The following ATP2B2 variants were observed in gnomAD, a reference collection of about 807,000 sequenced individuals.
The protein encoded by ATP2B2 is ATPase plasma membrane Ca2+ transporting 2.
ATP2B2 carries 15 observed loss-of-function variants against 120.0 expected under a neutral mutation model. The ratio of observed to expected loss-of-function variants is 0.12; its 90% CI spans 0.08 to 0.19. ATP2B2 has a LOEUF of 0.19. ATP2B2 is among the 10% of genes least tolerant of loss of function. The probability of loss-of-function intolerance (pLI) is 1.00; values close to 1 mark genes in which losing one functional copy is unlikely to be tolerated. For synonymous variants in ATP2B2, 694 were observed against 700.3 expected, an observed-to-expected ratio of 0.99 and a Z score of 0.14; for missense variants, 1,045 against 1,719.8, an observed-to-expected ratio of 0.61 and a Z score of 6.94.
intron 2 of ATP2B2, among the ~76,000 whole-genome samples, chr3:10,608,388 C>A (rs1031428093): frequency 6.6e-6 from 1 of 152,210 alleles, no homozygotes; most frequent in Admixed American, 6.5e-5. Context: ...TGTGCCACTG[C>A]ACTCCAGCCT....
intron 1 of ATP2B2, among the ~76,000 whole-genome samples, chr3:10,632,417 C>T (rs1035319044): frequency 2.6e-5 from 4 of 152,106 alleles, no homozygotes; most frequent in Non-Finnish European, 4.4e-5. Flanking sequence ...CTCTATGGGG[C>T]CTTTACGTGT....
At position 10,325,427 on chromosome 3, in the gene ATP2B2, T is replaced by C. The variant is rs563453854; in HGVS notation, c.*3387A>G. The C allele has an allele frequency of 1.3e-5, 2 of 152,290 alleles. No homozygotes were observed. The highest frequency in any genetic ancestry group is 4.8e-5 in the African/African-American group (2 of 41,554). The allele number at this position is 152,290 out of a possible 1,614,324, so 9.4% of individuals were successfully genotyped here. A position where few individuals can be genotyped will look rare whatever the true frequency, so the allele number is the denominator to read the frequency against. ...AGAGAAGAGAAGTTCCAGAAATAGA[T>C]CTAAGTCTATGTAAGACATCAGTGT... On this transcript the variant is annotated 3_prime_UTR_variant, in exon 23 of 23. Transcript: ENST00000360273.
chr3:10,379,729 C>T (rs1239051271), intron 8 of ATP2B2, among the ~76,000 whole-genome samples: 2 of 151,940 alleles, frequency 1.3e-5, no homozygotes, highest in Non-Finnish European at 2.9e-5. Context: ...TTCATTTTCC[C>T]ACAAAAGAAA....
intron 1 of ATP2B2, among the ~76,000 whole-genome samples, chr3:10,657,639 C>T (rs1196662030): frequency 2.6e-5 from 4 of 152,242 alleles, no homozygotes; most frequent in African/African-American, 7.2e-5. Context: ...CTCAAGGAGG[C>T]CTGCCTGCCT....
At chr3:10,609,462 CT>C (rs773656275) in intron 2 of ATP2B2, among the ~76,000 whole-genome samples, 1 of 152,222 alleles carries the variant, frequency 6.6e-6, no homozygotes, top group Non-Finnish European at 1.5e-5. Context: ...AAGCCGGGAG[CT>C]TTCCAAGTGT....
chr3:10,357,690 G>A (rs2060777772), intron 14 of ATP2B2, among the ~76,000 whole-genome samples: 1 of 152,172 alleles, frequency 6.6e-6, no homozygotes, highest in Non-Finnish European at 1.5e-5. Context: ...CCTGGCCAGG[G>A]CATCCGGTCT....
chr3:10,535,180 A>T (rs1426376946), intron 2 of ATP2B2, among the ~76,000 whole-genome samples: 2 of 152,228 alleles, frequency 1.3e-5, no homozygotes, highest in Admixed American at 1.3e-4. Flanking sequence ...CTAGGATTAC[A>T]GGCATGAGCC....
chr3:10,611,093 A>G (rs973540766), intron 2 of ATP2B2, among the ~76,000 whole-genome samples: 2 of 152,180 alleles, frequency 1.3e-5, no homozygotes, highest in African/African-American at 4.8e-5. Context: ...ACATTTCCAA[A>G]TCAAACAGCT....
chr3:10,375,583 G>A lies in ATP2B2; in HGVS notation c.1263C>T (p.Phe421=). 6.2e-7 allele frequency: 1 copy of A among 1,613,774 alleles called. No individual in the cohort carries two copies. The highest frequency in any genetic ancestry group is 8.5e-7 in the Non-Finnish European group (1 of 1,180,026). Residue 421 remains phenylalanine (F), a synonymous_variant, in exon 11 of 23, where the codon TTC becomes TTT. Transcript: ENST00000360273. The surrounding 1 kb of genome is among the most constrained non-coding windows in gnomAD (Gnocchi z 4.2). Reference sequence around the variant, plus strand: ...GCAGCCACGGCTTCTTGTTGACCACGAAGGTGTCCACAGTGAAGTAGAGCA... The same window carrying A: ...GCAGCCACGGCTTCTTGTTGACCACAAAGGTGTCCACAGTGAAGTAGAGCA... ...ILVLYFTVDT[F]VVNKKPWLPE...
intron 2 of ATP2B2, among the ~76,000 whole-genome samples, chr3:10,585,493 G>GGAAAAAA (rs1250583445): frequency 5.6e-4 from 16 of 28,514 alleles, no homozygotes; most frequent in African/African-American, 2.3e-3. Context: ...GACTCCGTCT[G>GGAAAAAA]AAAAAAAAAA....
intron 1 of ATP2B2, among the ~76,000 whole-genome samples, chr3:10,482,853 G>A (rs536339870): frequency 6.6e-6 from 1 of 152,254 alleles, no homozygotes; most frequent in Non-Finnish European, 1.5e-5. Flanking sequence ...TCCCAGCCCT[G>A]TTGAACATGC....
chr3:10,388,114 C>G, intron 6 of ATP2B2, 163 bp downstream of exon 6: 1 of 973,528 alleles, frequency 1.0e-6, no homozygotes, highest in South Asian at 1.3e-5. Context: ...ACAGACAGAG[C>G]CTACCTGGCC....
At chr3:10,482,106 G>T (rs973611194) in intron 1 of ATP2B2, among the ~76,000 whole-genome samples, 4 of 152,160 alleles carry the variant, frequency 2.6e-5, no homozygotes, top group African/African-American at 4.8e-5. Flanking sequence ...AAATCCCACT[G>T]CCCAGCTCAG....
In ATP2B2 at chr3:10,639,140, C is replaced by A. The variant is rs192936556; in HGVS notation, c.-459-19179G>T. Among the ~76,000 whole-genome samples the A allele has an allele frequency of 5.9e-5, 9 of 152,228 alleles. No individual in the cohort carries two copies. The South Asian group carries it at 1.0e-3, about 18-fold the overall frequency. The stretch of plus-strand genomic sequence containing the variant: ...ACCAAAAGCACCATCCATAAAAGAA[C>A]AAATAGATAAATTGGGCTTCATCAA... On this transcript the variant is annotated intron_variant, in intron 1 of 21. Transcript: ENST00000646379.
intron 1 of ATP2B2, among the ~76,000 whole-genome samples, chr3:10,458,666 C>T (rs1329992037): frequency 6.6e-6 from 1 of 150,508 alleles, no homozygotes; most frequent in African/African-American, 2.5e-5. Context: ...GAATCAGATC[C>T]ACTCAGTTTT....
Position 10,419,706 on chromosome 3 carries a change from G to C in ATP2B2, c.200-8891C>G, listed in dbSNP as rs1353327979. Among the ~76,000 whole-genome samples the C allele has an allele frequency of 2.6e-5, 4 of 152,214 alleles. No individual in the cohort carries two copies. In the East Asian group the frequency reaches 7.7e-4, roughly 29 times the overall value. On this transcript the variant is annotated intron_variant, in intron 2 of 22. Transcript: ENST00000360273. ...TTGCTCTATGTTGAGCACCCATTAT[G>C]CAGATGCACACACTGAGGCACAGGG...
At chr3:10,676,816 C>T (rs185085363) in intron 1 of ATP2B2, among the ~76,000 whole-genome samples, 36 of 152,314 alleles carry the variant, frequency 2.4e-4, no homozygotes, top group African/African-American at 7.9e-4. Context: ...TAAAGGATTG[C>T]TTAAATAAAT....
chr3:10,462,138 G>A (rs952673025), intron 1 of ATP2B2, among the ~76,000 whole-genome samples: 3 of 152,090 alleles, frequency 2.0e-5, no homozygotes, highest in Non-Finnish European at 2.9e-5. Flanking sequence ...TTCCCAGACC[G>A]ACCTTTCCAC....
intron 1 of ATP2B2, among the ~76,000 whole-genome samples, chr3:10,672,100 T>C (rs936348551): frequency 1.3e-5 from 2 of 152,206 alleles, no homozygotes; most frequent in African/African-American, 4.8e-5. Context: ...ATAAGGTGTT[T>C]TGGGTCTGCA....
Sources: gnomAD v4.1 joint callset for allele counts (sites outside exome capture counted in the v4.1 genomes callset) on GRCh38, gnomAD v4.1.1 for gene constraint, Gnocchi (gnomAD v3.1) non-coding constraint, MANE v1.5 for transcripts, NCBI Gene and HGNC (gene_info 2026-07-23, HGNC 2026-07-21) for gene names.